The following FBXO17 variants were observed in gnomAD, a reference collection of about 807,000 sequenced individuals.
The protein encoded by FBXO17 is F-box only protein 17.
FBXO17 carries 43 observed loss-of-function variants against 34.1 expected under a neutral mutation model. The observed-to-expected ratio is 1.26, with a 90% CI of 0.99 to 1.62. FBXO17 has a LOEUF of 1.62. Among genes scored for constraint, FBXO17 ranks in the 40% most tolerant of loss-of-function variants. The probability of loss-of-function intolerance (pLI) is 0.00; values close to 1 mark genes in which losing one functional copy is unlikely to be tolerated. For missense variants in FBXO17, 424 were observed against 386.7 expected (o/e 1.10, Z -0.81); for synonymous variants, 169 against 166.0 (o/e 1.02, Z -0.14).
At chr19:38,949,267 A>G (rs10424843) in intron 2 of FBXO17, among the ~76,000 whole-genome samples, 109,667 of 151,938 alleles carry the variant, frequency 0.72, 40,221 homozygotes, top group East Asian at 0.96. Flanking sequence ...ACACCTGGCT[A>G]ATTTTGTATT....
At chr19:38,958,387 A>G (rs905799700) in intron 1 of FBXO17, among the ~76,000 whole-genome samples, 22 of 134,114 alleles carry the variant, frequency 1.6e-4, no homozygotes, top group Admixed American at 4.2e-4. Flanking sequence ...TAGCCTGGGC[A>G]ACAAGAGTGA....
rs1287904058 is a variant in FBXO17, at chr19:38,946,495, C to T, written c.534G>A (p.Gln178=). 3 of 1,613,948 alleles carry T rather than the reference C, an allele frequency of 1.9e-6. No homozygotes were observed. Among genetic ancestry groups the T allele is most frequent in the Admixed American group, 1.7e-5 (1 of 59,996 alleles). Residue 178 remains glutamine, a synonymous_variant, in exon 4 of 6, where the codon CAG becomes CAA. Coordinates refer to ENST00000292852, the MANE Select transcript of FBXO17 (RefSeq NM_024907.7). The stretch of plus-strand genomic sequence containing the variant: ...ACCAGTCAGCCACACAGATCTCAAT[C>T]TGGGCGCTGTCCAGCAGCTCCTGCC... ...GVWQELLDSA[Q]IEICVADWWG... is the part of the protein sequence containing the mutation.
chr19:38,949,936 C>T (rs1975048274), intron 2 of FBXO17, 35 bp downstream of exon 2: 3 of 1,481,466 alleles, frequency 2.0e-6, no homozygotes, highest in Non-Finnish European at 1.8e-6. Context: ...CGCGCGGCCC[C>T]CCTCAGCCTC....
chr19:38,946,696 A>G, intron 3 of FBXO17, 129 bp from the exon 4 acceptor site: 1 of 1,313,974 alleles, frequency 7.6e-7, no homozygotes, highest in South Asian at 1.4e-5. Context: ...TTGCTCTAGC[A>G]GACCTGAAGA....
chr19:38,945,697 G>A (rs1190090471), intron 4 of FBXO17: 3 of 183,036 alleles, frequency 1.6e-5, no homozygotes, highest in Non-Finnish European at 3.3e-5. Flanking sequence ...TCCTGGGGGA[G>A]GAGCCTGGGT....
chr19:38,952,131 A>G (rs1975094746), intron 1 of FBXO17, among the ~76,000 whole-genome samples: 1 of 152,000 alleles, frequency 6.6e-6, no homozygotes. Flanking sequence ...TTTCTGTAGT[A>G]GAGATGGGGT....
Position 38,942,529 on chromosome 19 carries a change from T to C in FBXO17, c.*79A>G. ...CTCCCACCTCGGCCTCCTGAAGTGC[T>C]GGGATTCCACAGGTGTGAGCCACTG... On this transcript the variant is annotated 3_prime_UTR_variant, in exon 6 of 6. Coordinates refer to ENST00000292852, the MANE Select transcript of FBXO17 (RefSeq NM_024907.7). The C allele has an allele frequency of 7.1e-7, 1 of 1,415,738 alleles. No individual in the cohort carries two copies. Among genetic ancestry groups the C allele is most frequent in the South Asian group, 1.7e-5 (1 of 59,842 alleles). 87.7% of individuals were successfully genotyped at this position (1,415,738 alleles called of 1,614,324 possible).
chr19:38,961,478 TTAGC>T (rs758691700), intron 1 of FBXO17, among the ~76,000 whole-genome samples: 2 of 151,848 alleles, frequency 1.3e-5, no homozygotes, highest in Non-Finnish European at 2.9e-5. Context: ...ATTTCACATG[TTAGC>T]TAGGCTGGTC....
rs1974986442 is a variant in FBXO17, at chr19:38,946,548, G to A, written c.481C>T (p.Leu161Phe). The change falls in exon 4 of 6, where the codon CTT becomes TTT. Residue 161 changes from leucine (L) to phenylalanine (F), a missense_variant. Transcript: ENST00000292852. ...ACCCCTTCCATCACCAGGTCCACAA[G>A]CTGCCTCTTGGAGCACCATCTGGGA... ...TSFEWCSKRQ[L>F]VDLVMEGVWQ... 1 of 1,614,030 alleles carries A rather than the reference G, an allele frequency of 6.2e-7. No homozygotes were observed. Among genetic ancestry groups the A allele is most frequent in the Non-Finnish European group, 8.5e-7 (1 of 1,179,930 alleles).
chr19:38,955,076 G>A (rs1005254300), intron 1 of FBXO17, among the ~76,000 whole-genome samples: 2 of 151,128 alleles, frequency 1.3e-5, no homozygotes, highest in Non-Finnish European at 2.9e-5. Context: ...GACTACAGGC[G>A]CCCACCACCA....
intron 1 of FBXO17, among the ~76,000 whole-genome samples, chr19:38,952,202 T>C (rs1336554652): frequency 6.6e-6 from 1 of 150,774 alleles, no homozygotes; most frequent in East Asian, 2.0e-4. Context: ...CTGTCTCAGC[T>C]TCCCAAAATG....
At chr19:38,953,948 G>A (rs1195209658) in intron 1 of FBXO17, among the ~76,000 whole-genome samples, 1 of 151,784 alleles carries the variant, frequency 6.6e-6, no homozygotes, top group Admixed American at 6.6e-5. Flanking sequence ...TGCAAAATAA[G>A]AAGCCAAGGG....
intron 1 of FBXO17, among the ~76,000 whole-genome samples, chr19:38,966,120 C>T (rs1975316912): frequency 6.6e-6 from 1 of 151,578 alleles, no homozygotes; most frequent in East Asian, 1.9e-4. Flanking sequence ...CAGGTGCGCA[C>T]TACCACGCCC....
At position 38,953,763 on chromosome 19, in the gene FBXO17, C is replaced by G. The variant is rs144674113; in HGVS notation, c.-17-3427G>C. 7.1e-4 allele frequency among the ~76,000 whole-genome samples: 108 copies of G among 152,146 alleles called. 1 individual carries two copies. The East Asian group carries it at 0.011, about 15-fold the overall frequency. On this transcript the variant is annotated intron_variant, in intron 1 of 5. Coordinates refer to ENST00000292852, the MANE Select transcript of FBXO17 (RefSeq NM_024907.7). ...CAGGAGATCCAGTGCATGGGGGAAA[C>G]TGAATGAGCAGCAGAGAGAGGTGAG...
At chr19:38,958,787 T>G (rs1315482773) in intron 1 of FBXO17, among the ~76,000 whole-genome samples, 1 of 152,224 alleles carries the variant, frequency 6.6e-6, no homozygotes, top group Non-Finnish European at 1.5e-5. Context: ...AGTTCACCAC[T>G]GCTCGTGAAG....
intron 1 of FBXO17, among the ~76,000 whole-genome samples, chr19:38,955,735 T>G (rs1472549666): frequency 1.3e-5 from 2 of 151,954 alleles, no homozygotes; most frequent in African/African-American, 4.8e-5. Context: ...CCTGCTGCCT[T>G]GGCCTCCCAA....
At chr19:38,944,278 A>T (rs1022852878) in intron 5 of FBXO17, among the ~76,000 whole-genome samples, 9 of 150,716 alleles carry the variant, frequency 6.0e-5, no homozygotes, top group African/African-American at 2.0e-4. Flanking sequence ...TATTATTATT[A>T]TTATTTTTAG....
At chr19:38,946,682 G>C in intron 3 of FBXO17, 115 bp from the exon 4 acceptor site, 1 of 1,462,154 alleles carries the variant, frequency 6.8e-7, no homozygotes, top group South Asian at 1.3e-5. Context: ...GCAGCCCTCA[G>C]GGTTTGCTCT....
Position 38,948,567 on chromosome 19 carries a change from T to A in FBXO17, c.461A>T (p.Glu154Val), listed in dbSNP as rs779140767. ...GGGGCCTCTCACTTGGGCCACTCAC[T>A]CGAAAGAGGTCACGAAGCAGGTCTG... ...PSQTCFVTSF[E>V]WCSKRQLVDL... Residue 154 changes from glutamate to valine, a missense_variant and splice_region_variant, in exon 3 of 6, where the codon GAA becomes GTA. Transcript: ENST00000292852. 1 of 1,613,384 alleles carries A rather than the reference T, an allele frequency of 6.2e-7. No individual in the cohort carries two copies. Among genetic ancestry groups the A allele is most frequent in the Non-Finnish European group, 8.5e-7 (1 of 1,179,508 alleles).
Sources: gnomAD v4.1 joint callset for allele counts (sites outside exome capture counted in the v4.1 genomes callset) on GRCh38, gnomAD v4.1.1 for gene constraint, MANE v1.5 for transcripts, NCBI Gene and HGNC (gene_info 2026-07-23, HGNC 2026-07-21) for gene names.